TTN: variants seen among roughly 807,000 people sequenced by gnomAD.
The protein encoded by TTN is connectin.
Under a neutral mutation model 3,223.0 loss-of-function variants are expected in TTN, and 1,525 were observed. The ratio of observed to expected loss-of-function variants is 0.47; its 90% CI spans 0.45 to 0.49. The LOEUF (loss-of-function observed/expected upper bound fraction) is 0.49, where lower values mean the gene tolerates loss of function less well. TTN is among the 20% of genes least tolerant of loss of function. TTN has a pLI of 0.00. For synonymous variants in TTN, 14,094 were observed against 15,161.0 expected (o/e 0.93, Z 5.17); for missense variants, 40,786 against 43,424.0 (o/e 0.94, Z 5.40).
Position 178,621,197 on chromosome 2 carries a change from C to A in TTN, c.45521G>T (p.Arg15174Met). ...TGTGGCATCTTTCACAACTAGGACC[C>A]TCTTTTTACCATCAGCAATAACGTC... ...KYDVIADGKK[R>M]VLVVKDATLQ... The change falls in exon 246 of 363, where the codon AGG (arginine) becomes ATG (methionine). Residue 15174 changes from arginine to methionine, a missense_variant. Coordinates refer to ENST00000589042, the MANE Select transcript of TTN (RefSeq NM_001267550.2). The A allele has an allele frequency of 6.2e-7, 1 of 1,612,490 alleles. No individual in the cohort carries two copies. The highest frequency in any genetic ancestry group is 2.2e-5 in the East Asian group (1 of 44,600).
Position 178,616,911 on chromosome 2 carries a change from G to T in TTN, c.47978C>A (p.Thr15993Asn), listed in dbSNP as rs727503622. 96 of 1,612,710 alleles carry T rather than the reference G, an allele frequency of 6.0e-5. No homozygotes were observed. The East Asian group carries it at 1.6e-3, about 27-fold the overall frequency. Residue 15993 changes from threonine to asparagine, a missense_variant, in exon 256 of 363, where the codon ACT becomes AAT. Transcript: ENST00000589042. Reference sequence around the variant, plus strand: ...TTTATCTCCAAAACACCAGGTTGCAGTTGGCCTTGGATAGCCTGTACTTGG... The same window carrying T: ...TTTATCTCCAAAACACCAGGTTGCATTTGGCCTTGGATAGCCTGTACTTGG... ...LVPSTGYPRP[T>N]ATWCFGDKVL...
intron 282 of TTN, 72 bp downstream of exon 282, chr2:178,603,804 T>C (rs1364579397): frequency 1.4e-6 from 2 of 1,393,288 alleles, no homozygotes; most frequent in African/African-American, 2.9e-5. Context: ...ATATAAGAAA[T>C]TTAAGGCAGA....
rs975051057 is a variant in TTN, at chr2:178,554,473, A to G, written c.88874T>C (p.Val29625Ala). 5 of 1,613,382 alleles carry G rather than the reference A, an allele frequency of 3.1e-6. No individual in the cohort carries two copies. The African/African-American group carries it at 4.0e-5, about 13-fold the overall frequency. ...CTCACCAAATGCGTTCTTGGCTACA[A>G]CGGAATCAGATTCCAGTGGCTCGCC... ...GIGEPLESDS[V>A]VAKNAFVTPG... The change falls in exon 332 of 363, where the codon GTT becomes GCT. Residue 29625 changes from valine (V) to alanine (A), a missense_variant. Val to Ala is a moderately conservative substitution (Grantham distance 64). Transcript: ENST00000589042.
chr2:178,794,406 T>C lies in TTN; in HGVS notation c.1391A>G (p.Gln464Arg), dbSNP rs776950300. The change falls in exon 8 of 363, where the codon CAA becomes CGA. Residue 464 changes from glutamine (Q) to arginine (R), a missense_variant. By Grantham distance (43) the Gln-to-Arg change is conservative. Coordinates refer to ENST00000589042, the MANE Select transcript of TTN (RefSeq NM_001267550.2). The stretch of plus-strand genomic sequence containing the variant: ...TGGCAGCCTCGCACGTACCTGTTCT[T>C]GAGCAGGTTGGATGTGCACAGCAGT... ...TTTAVHIQPA[Q>R]EQVRKEAEKT... 3 of 1,614,174 alleles carry C rather than the reference T, an allele frequency of 1.9e-6. No homozygotes were observed. The highest frequency in any genetic ancestry group is 2.5e-6 in the Non-Finnish European group (3 of 1,179,998).
At position 178,571,695 on chromosome 2, in the gene TTN, T is replaced by G. The variant is rs750126076; in HGVS notation, c.74437A>C (p.Thr24813Pro). Residue 24813 changes from threonine (T) to proline (P), a missense_variant, in exon 326 of 363, where the codon ACT becomes CCT. Coordinates refer to ENST00000589042, the MANE Select transcript of TTN (RefSeq NM_001267550.2). Reference protein sequence around the residue: ...VIVLDKPGPPTGPVKMDEVTA... With the variant: ...VIVLDKPGPPPGPVKMDEVTA... ...ACTTCATCCATTTTAACTGGTCCAG[T>G]TGGAGGCCCTGGTTTGTCAAGAACG... is the stretch of plus-strand genomic sequence containing the variant. 16 of 1,613,392 alleles carry G rather than the reference T, an allele frequency of 9.9e-6. No homozygotes were observed. Among genetic ancestry groups the G allele is most frequent in the Non-Finnish European group, 1.3e-5 (15 of 1,179,610 alleles).
At chr2:178,586,369 G>A (rs1438831706) in intron 308 of TTN, 136 bp downstream of exon 308, 2 of 991,776 alleles carry the variant, frequency 2.0e-6, no homozygotes, top group Non-Finnish European at 2.9e-6. Flanking sequence ...GCCCACTCAT[G>A]TGTTTGAAAG....
At position 178,709,737 on chromosome 2, in the gene TTN, A is replaced by G; in HGVS notation, c.28582T>C (p.Tyr9528His). Reference protein sequence around the residue: ...AGSQPITVAWYKNNIEIQPTS... With the variant: ...AGSQPITVAWHKNNIEIQPTS... ...GGTTGTATCTCTATATTATTTTTGT[A>G]CCAGGCAACAGTTATAGGTTGGGAA... The change falls in exon 99 of 363, where the codon TAC becomes CAC. Residue 9528 changes from tyrosine (Y) to histidine (H), a missense_variant. By Grantham distance (83) the Tyr-to-His change is moderately conservative. Transcript: ENST00000589042. The G allele has an allele frequency of 6.2e-7, 1 of 1,613,850 alleles. No homozygotes were observed. Among genetic ancestry groups the G allele is most frequent in the Non-Finnish European group, 8.5e-7 (1 of 1,179,814 alleles).
intron 168 of TTN, 113 bp from the exon 169 acceptor site, chr2:178,664,211 G>A: frequency 2.8e-6 from 3 of 1,079,944 alleles, no homozygotes; most frequent in South Asian, 3.3e-5. Flanking sequence ...GAGATCAGTG[G>A]TAACAAGTTC....
In TTN at chr2:178,642,325, G is replaced by C; in HGVS notation, c.40478-8C>G. On this transcript the variant is annotated splice_polypyrimidine_tract_variant and splice_region_variant and intron_variant, in intron 218 of 362. Coordinates refer to ENST00000589042, the MANE Select transcript of TTN (RefSeq NM_001267550.2). ...TCTTTTCACCTCCAGGCACTTAAAA[G>C]AATATGATTTCAAATTTTGAAGTGA... The C allele has an allele frequency of 6.4e-7, 1 of 1,573,294 alleles. No homozygotes were observed.
At position 178,553,749 on chromosome 2, in the gene TTN, G is replaced by A; in HGVS notation, c.89256C>T (p.Thr29752=). 6.2e-7 allele frequency: 1 copy of A among 1,611,132 alleles called. No homozygotes were observed. Among genetic ancestry groups the A allele is most frequent in the Non-Finnish European group, 8.5e-7 (1 of 1,178,056 alleles). The change falls in exon 334 of 363, where the codon ACC becomes ACT. Residue 29752 remains threonine, a synonymous_variant. Coordinates refer to ENST00000589042, the MANE Select transcript of TTN (RefSeq NM_001267550.2). ...CATAGACAGGCTTACTCCAGCCAAGGGTGATGGATGACTTGGTTGAATCTG... is the reference window on the plus strand; with the variant it reads ...CATAGACAGGCTTACTCCAGCCAAGAGTGATGGATGACTTGGTTGAATCTG... ...RIADSTKSSI[T]LGWSKPVYDG...
At position 178,532,086 on chromosome 2, in the gene TTN, CAG is replaced by C; in HGVS notation, c.104527_104528del (p.Leu34843ValfsTer6). The C allele has an allele frequency of 6.2e-7, 1 of 1,613,936 alleles. No homozygotes were observed. Among genetic ancestry groups the C allele is most frequent in the Non-Finnish European group, 8.5e-7 (1 of 1,179,870 alleles). On this transcript the variant is annotated frameshift_variant, in exon 358 of 363. Transcript: ENST00000589042. LOFTEE classifies it high-confidence loss of function. ...ASRLLRRRRS[L>X]SPTYIELMRP... Reference sequence around the variant, plus strand: ...TCATTAACTCAATATAAGTTGGAGACAGGGAGCGCCGTCGTCTCAGTAGTCTA... The same window carrying C: ...TCATTAACTCAATATAAGTTGGAGACGGAGCGCCGTCGTCTCAGTAGTCTA...
rs564353179 is a variant in TTN, at chr2:178,780,121, C to G, written c.3608G>C (p.Gly1203Ala). 4.3e-5 allele frequency: 69 copies of G among 1,613,850 alleles called. No individual in the cohort carries two copies. The Middle Eastern group carries it at 6.6e-4, about 15-fold the overall frequency. ...GTATACAAATCCAGGTGCTGTTTCTCCAACTTTAGGTTCTTGAACAAATGC... is the reference window on the plus strand; with the variant it reads ...GTATACAAATCCAGGTGCTGTTTCTGCAACTTTAGGTTCTTGAACAAATGC... ...VTAFVQEPKV[G>A]ETAPGFVYSE... Residue 1203 changes from glycine (G) to alanine (A), a missense_variant, in exon 22 of 363, where the codon GGA (glycine) becomes GCA (alanine). Coordinates refer to ENST00000589042, the MANE Select transcript of TTN (RefSeq NM_001267550.2).
At position 178,740,966 on chromosome 2, in the gene TTN, G is replaced by A. The variant is rs368950739; in HGVS notation, c.12267C>T (p.Asn4089=). ...ILKAALITEE[N]QQLSYEHIAK... ...CAATATGCTCATAAGATAGTTGCTGGTTTTCTTCTGTAATTAAAGCAGCTT... is the reference window on the plus strand; with the variant it reads ...CAATATGCTCATAAGATAGTTGCTGATTTTCTTCTGTAATTAAAGCAGCTT... Residue 4089 remains asparagine (N), a synonymous_variant, in exon 48 of 363, where the codon AAC becomes AAT. Transcript: ENST00000589042. 6.2e-7 allele frequency: 1 copy of A among 1,613,914 alleles called. No individual in the cohort carries two copies. Among genetic ancestry groups the A allele is most frequent in the Non-Finnish European group, 8.5e-7 (1 of 1,179,846 alleles).
At chr2:178,758,855 A>G in intron 44 of TTN, 129 bp downstream of exon 44, 1 of 962,474 alleles carries the variant, frequency 1.0e-6, no homozygotes, top group South Asian at 1.4e-5. Flanking sequence ...TAACAGGGAA[A>G]TAATTAGTTG....
At chr2:178,710,217 G>A (rs879621304) in intron 98 of TTN, among the ~76,000 whole-genome samples, 2 of 152,126 alleles carry the variant, frequency 1.3e-5, no homozygotes, top group Admixed American at 6.5e-5. Flanking sequence ...AGGCCAAGGC[G>A]GGTGGATCAC....
At position 178,613,141 on chromosome 2, in the gene TTN, A is replaced by C. The variant is rs768229581; in HGVS notation, c.49648+20T>G. ...TTCATATGAACTTCGAAATAACCAC[A>C]AAAATTATATAAATAATACCTATGG... is the stretch of plus-strand genomic sequence containing the variant. On this transcript the variant is annotated intron_variant, in intron 264 of 362. Transcript: ENST00000589042. The C allele has an allele frequency of 2.5e-6, 4 of 1,607,392 alleles. No homozygotes were observed. The highest frequency in any genetic ancestry group is 3.4e-6 in the Non-Finnish European group (4 of 1,177,760).
chr2:178,727,365 G>T lies in TTN; in HGVS notation c.20000C>A (p.Pro6667Gln). 6.3e-7 allele frequency: 1 copy of T among 1,592,356 alleles called. No individual in the cohort carries two copies. Among genetic ancestry groups the T allele is most frequent in the Non-Finnish European group, 8.5e-7 (1 of 1,169,648 alleles). Reference protein sequence around the residue: ...CTTMLLVTEPPKFVKKLEASK... With the variant: ...CTTMLLVTEPQKFVKKLEASK... ...GGCTTCTAATTTCTTTACAAACTTT[G>T]GTGGTTCTAAAGAGTCAGGAAAGAG... The change falls in exon 69 of 363, where the codon CCA becomes CAA. Residue 6667 changes from proline (P) to glutamine (Q), a missense_variant. Physicochemically the swap from Pro to Gln is moderately conservative, Grantham distance 76. Transcript: ENST00000589042.
At chr2:178,637,146 G>GAGATATATATATAT (rs563909076) in intron 224 of TTN, among the ~76,000 whole-genome samples, 1 of 49,186 alleles carries the variant, frequency 2.0e-5, no homozygotes, top group Non-Finnish European at 4.4e-5. Flanking sequence ...AATATAGTTG[G>GAGATATATATATAT]ATATATATAT....
chr2:178,649,656 A>G (rs1260202414), intron 211 of TTN, 25 bp from the exon 212 acceptor site: 1 of 1,550,912 alleles, frequency 6.4e-7, no homozygotes, highest in South Asian at 1.2e-5. Flanking sequence ...GTAGCATTTA[A>G]TAATACAAAG....
Sources: gnomAD v4.1 joint callset for allele counts (sites outside exome capture counted in the v4.1 genomes callset) on GRCh38, gnomAD v4.1.1 for gene constraint, MANE v1.5 for transcripts, NCBI Gene and HGNC (gene_info 2026-07-23, HGNC 2026-07-21) for gene names.